The following PRKG1 variants were observed in gnomAD, a reference collection of about 807,000 sequenced individuals.
PRKG1 encodes the protein protein kinase cGMP-dependent 1, also known as cGMP-dependent protein kinase 1.
In PRKG1, 35 loss-of-function variants were observed where a neutral mutation model predicts 88.1. The ratio of observed to expected loss-of-function variants is 0.40; its 90% CI spans 0.30 to 0.53. PRKG1 has a LOEUF of 0.53. PRKG1 is among the 20% of genes least tolerant of loss of function. The pLI, the probability that PRKG1 is intolerant of heterozygous loss-of-function variation, is 0.59. For missense variants in PRKG1, 540 were observed against 839.8 expected (o/e 0.64, Z 4.41); for synonymous variants, 303 against 292.5 (o/e 1.04, Z -0.37).
intron 2 of PRKG1, among the ~76,000 whole-genome samples, chr10:51,222,341 T>A (rs1838565202): frequency 6.6e-6 from 1 of 152,136 alleles, no homozygotes; most frequent in African/African-American, 2.4e-5. Flanking sequence ...TCCACAGACC[T>A]AAATATAAAA....
intron 7 of PRKG1, among the ~76,000 whole-genome samples, chr10:52,098,384 A>G (rs927584204): frequency 6.6e-6 from 1 of 152,132 alleles, no homozygotes; most frequent in Admixed American, 6.6e-5. Flanking sequence ...TTTTTGAGAG[A>G]GTCATGGCTG....
At chr10:51,950,593 A>G (rs969484604) in intron 5 of PRKG1, among the ~76,000 whole-genome samples, 4 of 152,260 alleles carry the variant, frequency 2.6e-5, no homozygotes, top group Admixed American at 2.0e-4. Flanking sequence ...AGCAAGCTTC[A>G]TGTGGGGCCT....
At chr10:51,409,850 CAAAA>C (rs71459417) in intron 2 of PRKG1, among the ~76,000 whole-genome samples, 1 of 79,498 alleles carries the variant, frequency 1.3e-5, no homozygotes, top group African/African-American at 5.2e-5. Flanking sequence ...GAGACTCTGT[CAAAA>C]AAAAAAAAAA....
chr10:52,025,100 A>T (rs571681626), intron 5 of PRKG1, among the ~76,000 whole-genome samples: 3 of 152,090 alleles, frequency 2.0e-5, no homozygotes, highest in Admixed American at 2.0e-4. Context: ...GCATTTTTTC[A>T]TGTGTCTGTT....
chr10:51,572,763 T>C (rs1837788933), intron 3 of PRKG1, among the ~76,000 whole-genome samples: 1 of 150,474 alleles, frequency 6.6e-6, no homozygotes, highest in African/African-American at 2.5e-5. Flanking sequence ...CACGATAGCT[T>C]GAGAACCACT....
intron 2 of PRKG1, among the ~76,000 whole-genome samples, chr10:51,268,287 A>G (rs1301319142): frequency 1.3e-5 from 2 of 152,186 alleles, no homozygotes; most frequent in Middle Eastern, 3.2e-3. Context: ...ACATCTTATC[A>G]GGAGACAGGG....
At chr10:51,758,929 G>A (rs999613883) in intron 3 of PRKG1, among the ~76,000 whole-genome samples, 2 of 141,988 alleles carry the variant, frequency 1.4e-5, no homozygotes, top group African/African-American at 2.6e-5. Flanking sequence ...TCCCACTTAT[G>A]AGTGAGAACA....
chr10:52,081,102 C>T (rs1012571620), intron 7 of PRKG1, among the ~76,000 whole-genome samples: 11 of 152,194 alleles, frequency 7.2e-5, no homozygotes, highest in African/African-American at 2.7e-4. Context: ...ATTTCAGAGT[C>T]TCAGATATTG....
intron 3 of PRKG1, among the ~76,000 whole-genome samples, chr10:51,478,428 CA>C (rs1459679936): frequency 6.6e-6 from 1 of 151,920 alleles, no homozygotes; most frequent in Non-Finnish European, 1.5e-5. Context: ...TATAAGAATG[CA>C]AAAACTGGCC....
chr10:51,529,134 T>G (rs1841954064), intron 3 of PRKG1, among the ~76,000 whole-genome samples: 1 of 152,084 alleles, frequency 6.6e-6, no homozygotes, highest in East Asian at 1.9e-4. Flanking sequence ...TTCCTGACTT[T>G]ACTTATTTCC....
At chr10:52,000,244 G>A (rs570865781) in intron 5 of PRKG1, among the ~76,000 whole-genome samples, 1 of 152,038 alleles carries the variant, frequency 6.6e-6, no homozygotes, top group East Asian at 1.9e-4. Context: ...GAGGATAAGT[G>A]CTATGAAAAA....
chr10:51,237,252 T>C (rs1445274675), intron 2 of PRKG1, among the ~76,000 whole-genome samples: 1 of 152,210 alleles, frequency 6.6e-6, no homozygotes, highest in African/African-American at 2.4e-5. Flanking sequence ...AATGATATTC[T>C]GATCTCCACA....
chr10:52,040,779 C>A (rs997111819), intron 5 of PRKG1, among the ~76,000 whole-genome samples: 9 of 146,890 alleles, frequency 6.1e-5, no homozygotes, highest in African/African-American at 2.3e-4. Context: ...AAGCTTTTAA[C>A]TTTTTCTCGC....
chr10:51,592,860 A>G (rs867810568), intron 3 of PRKG1, among the ~76,000 whole-genome samples: 12 of 152,190 alleles, frequency 7.9e-5, no homozygotes, highest in Admixed American at 4.6e-4. Context: ...GATGATCCTC[A>G]CAAGTATTGA....
At chr10:51,956,941 T>TTTTC (rs1329754906) in intron 5 of PRKG1, among the ~76,000 whole-genome samples, 3 of 148,606 alleles carry the variant, frequency 2.0e-5, no homozygotes, top group Non-Finnish European at 4.5e-5. Context: ...GTGGGACAAA[T>TTTTC]TTTCTTTCTT....
chr10:52,288,731 C>T lies in PRKG1; in HGVS notation c.1715C>T (p.Pro572Leu). ...LMYELLTGSPPFSGPDPMKTY... is the reference protein window; with the variant it reads ...LMYELLTGSPLFSGPDPMKTY... ...CGTGTCTCTCATTCTTGCAGCCCAC[C>T]TTTCTCAGGCCCAGATCCTATGAAA... Residue 572 changes from proline to leucine, a missense_variant, in exon 15 of 18, where the codon CCT (proline) becomes CTT (leucine). Around this residue, in one of 5 missense-constraint regions of PRKG1, gnomAD observed 97 missense variants for 210.6 expected, o/e 0.46. Transcript: ENST00000373980. The T allele has an allele frequency of 6.3e-7, 1 of 1,575,566 alleles. No individual in the cohort carries two copies. The highest frequency in any genetic ancestry group is 8.6e-7 in the Non-Finnish European group (1 of 1,168,616).
chr10:51,615,818 A>G (rs1365810250), intron 3 of PRKG1, among the ~76,000 whole-genome samples: 1 of 151,838 alleles, frequency 6.6e-6, no homozygotes, highest in African/African-American at 2.4e-5. Flanking sequence ...GATTTCACAA[A>G]TTTGTTTTCG....
In PRKG1 at chr10:51,415,049, A is replaced by T. The variant is rs374465931; in HGVS notation, c.479-52674A>T. On this transcript the variant is annotated intron_variant, in intron 2 of 17. Coordinates refer to ENST00000373980, the MANE Select transcript of PRKG1 (RefSeq NM_006258.4). ...TACAACAATCTTATAAAATAACATT[A>T]TGACTACTTTCATTTTACAGATGTG... is the stretch of plus-strand genomic sequence containing the variant. Among the ~76,000 whole-genome samples, 10 of 152,224 alleles carry T rather than the reference A, an allele frequency of 6.6e-5. No homozygotes were observed. The East Asian group carries it at 1.7e-3, about 26-fold the overall frequency.
chr10:51,505,244 G>T (rs76234154), intron 3 of PRKG1, among the ~76,000 whole-genome samples: 35,858 of 151,846 alleles, frequency 0.24, 4,786 homozygotes, highest in Non-Finnish European at 0.31. Context: ...TGGTTTTGTC[G>T]TTGGTTCTGT....
Sources: allele counts gnomAD v4.1 joint callset (sites outside exome capture counted in the v4.1 genomes callset), GRCh38; gene constraint gnomAD v4.1.1; regional missense constraint gnomAD v4.1.1; transcripts MANE v1.5; gene names NCBI Gene and HGNC (gene_info 2026-07-23, HGNC 2026-07-21).